MGAT4C: variants seen among roughly 807,000 people sequenced by gnomAD.
MGAT4C encodes MGAT4 family member C.
In MGAT4C, 19 loss-of-function variants were observed where a neutral mutation model predicts 40.1. That is an observed-to-expected ratio of 0.47 (90% CI 0.33 to 0.70). MGAT4C has a LOEUF of 0.70. MGAT4C is among the 30% of genes least tolerant of loss of function. The pLI is 0.02. For missense variants in MGAT4C, 491 were observed against 563.2 expected (o/e 0.87, Z 1.30); for synonymous variants, 181 against 187.1 (o/e 0.97, Z 0.27).
At chr12:86,693,315 G>A (rs924086823) in intron 2 of MGAT4C, among the ~76,000 whole-genome samples, 1 of 152,122 alleles carries the variant, frequency 6.6e-6, no homozygotes, top group Non-Finnish European at 1.5e-5. Context: ...TAACGGCAAG[G>A]AATTCTTCTC....
chr12:86,804,427 AAAAAT>A (rs1952306167), intron 1 of MGAT4C, among the ~76,000 whole-genome samples: 1 of 151,342 alleles, frequency 6.6e-6, no homozygotes, highest in African/African-American at 2.4e-5. Flanking sequence ...AAAAAAATAA[AAAAAT>A]AAAATAAATA....
chr12:85,972,920 T>C lies in MGAT4C; in HGVS notation c.*6369A>G, dbSNP rs979717242. The C allele has an allele frequency of 5.3e-5, 8 of 150,984 alleles. No individual in the cohort carries two copies. The highest frequency in any genetic ancestry group is 8.9e-5 in the Non-Finnish European group (6 of 67,178). The allele number at this position is 150,984 out of a possible 1,614,324, so 9.4% of individuals were successfully genotyped here. Reference sequence around the variant, plus strand: ...GAAAAAATAGGACTATGTCAAATAGTTAAACAAATGTGGGGTATTTTATGG... The same window carrying C: ...GAAAAAATAGGACTATGTCAAATAGCTAAACAAATGTGGGGTATTTTATGG... On this transcript the variant is annotated 3_prime_UTR_variant, in exon 5 of 5. Transcript: ENST00000611864.
intron 2 of MGAT4C, among the ~76,000 whole-genome samples, chr12:85,995,164 T>A (rs1206891706): frequency 6.6e-6 from 1 of 152,080 alleles, no homozygotes; most frequent in East Asian, 1.9e-4. Flanking sequence ...ACCAAATAGG[T>A]AAGCCCTGTG....
At chr12:86,577,863 ATTGT>A (rs959593206) in intron 2 of MGAT4C, among the ~76,000 whole-genome samples, 5 of 151,664 alleles carry the variant, frequency 3.3e-5, no homozygotes, top group African/African-American at 1.2e-4. Context: ...TTTTTTATTC[ATTGT>A]TTAAGTCCAA....
In MGAT4C at chr12:86,202,490, T is replaced by C. The variant is rs1454741112; in HGVS notation, c.-57+53749A>G. Among the ~76,000 whole-genome samples, 4 of 152,078 alleles carry C rather than the reference T, an allele frequency of 2.6e-5. No homozygotes were observed. In the East Asian group the frequency reaches 7.7e-4, roughly 29 times the overall value. On this transcript the variant is annotated intron_variant, in intron 1 of 4. Transcript: ENST00000611864. The stretch of plus-strand genomic sequence containing the variant: ...CTTATTATTGGACGCAATTTGCAAA[T>C]ATTTTCTTTAAAATATTTTTATCTT...
At chr12:86,670,113 T>C (rs1431133141) in intron 2 of MGAT4C, among the ~76,000 whole-genome samples, 2 of 151,668 alleles carry the variant, frequency 1.3e-5, no homozygotes, top group East Asian at 1.9e-4. Context: ...TGTTTCCAAA[T>C]GAGAATGAAC....
chr12:86,225,042 G>T (rs1951023714), intron 1 of MGAT4C, among the ~76,000 whole-genome samples: 1 of 151,726 alleles, frequency 6.6e-6, no homozygotes, highest in Non-Finnish European at 1.5e-5. Context: ...TTACTAGCTA[G>T]ACTAACCAAG....
chr12:86,814,313 C>G (rs376194467), intron 1 of MGAT4C, among the ~76,000 whole-genome samples: 3 of 1,540 alleles, frequency 1.9e-3, no homozygotes, highest in African/African-American at 0.011. Flanking sequence ...TATATATATA[C>G]GTATATATAC....
intron 2 of MGAT4C, among the ~76,000 whole-genome samples, chr12:86,539,521 T>C (rs1959136181): frequency 6.6e-6 from 1 of 152,232 alleles, no homozygotes; most frequent in South Asian, 2.1e-4. Context: ...TGATTTATAA[T>C]CCTTTGGGTA....
intron 2 of MGAT4C, among the ~76,000 whole-genome samples, chr12:86,452,402 G>A (rs925517841): frequency 6.8e-6 from 1 of 147,916 alleles, no homozygotes; most frequent in African/African-American, 2.5e-5. Flanking sequence ...CCTTTAACTA[G>A]GGCCATTCTT....
intron 2 of MGAT4C, among the ~76,000 whole-genome samples, chr12:86,038,290 G>A (rs563044227): frequency 1.7e-4 from 25 of 149,600 alleles, no homozygotes; most frequent in African/African-American, 4.8e-4. Context: ...TGCCACGAGC[G>A]GTTTATGCCC....
chr12:86,757,926 A>G (rs1951334289), intron 1 of MGAT4C, among the ~76,000 whole-genome samples: 1 of 151,914 alleles, frequency 6.6e-6, no homozygotes, highest in Admixed American at 6.6e-5. Flanking sequence ...CACTTTTAAA[A>G]CCTCTTAAAT....
At chr12:86,527,438 G>A (rs1306390836) in intron 2 of MGAT4C, among the ~76,000 whole-genome samples, 1 of 152,076 alleles carries the variant, frequency 6.6e-6, no homozygotes, top group South Asian at 2.1e-4. Context: ...AATGCCTACA[G>A]CTTTGTTCTT....
chr12:86,733,612 T>C (rs950850556), intron 1 of MGAT4C, among the ~76,000 whole-genome samples: 2 of 152,112 alleles, frequency 1.3e-5, no homozygotes, highest in African/African-American at 2.4e-5. Context: ...TGAGACATGA[T>C]TGTACATCAC....
intron 1 of MGAT4C, among the ~76,000 whole-genome samples, chr12:86,832,234 T>C (rs751283298): frequency 1.3e-5 from 2 of 151,794 alleles, no homozygotes; most frequent in Non-Finnish European, 2.9e-5. Flanking sequence ...ACCATTCAAG[T>C]CTACTCCCTG....
chr12:86,642,131 A>G (rs1963409193), intron 2 of MGAT4C, among the ~76,000 whole-genome samples: 1 of 151,862 alleles, frequency 6.6e-6, no homozygotes, highest in Non-Finnish European at 1.5e-5. Context: ...AGTAATTGAT[A>G]TGGAGATAAG....
At chr12:86,331,814 A>T (rs1954675631) in intron 4 of MGAT4C, among the ~76,000 whole-genome samples, 1 of 152,202 alleles carries the variant, frequency 6.6e-6, no homozygotes, top group Admixed American at 6.5e-5. Context: ...TCTGAGCAGC[A>T]AATGTTTGTG....
intron 2 of MGAT4C, among the ~76,000 whole-genome samples, chr12:86,471,520 C>A (rs1196731317): frequency 6.6e-6 from 1 of 151,878 alleles, no homozygotes. Flanking sequence ...AAACAGTATA[C>A]TAAATACTTA....
intron 1 of MGAT4C, among the ~76,000 whole-genome samples, chr12:86,201,762 C>T (rs1182330414): frequency 5.3e-5 from 8 of 151,782 alleles, no homozygotes; most frequent in Non-Finnish European, 1.0e-4. Flanking sequence ...AACATTCTAA[C>T]AATATATAAT....
Sources: allele counts gnomAD v4.1 joint callset (sites outside exome capture counted in the v4.1 genomes callset), GRCh38; gene constraint gnomAD v4.1.1; transcripts MANE v1.5; gene names NCBI Gene and HGNC (gene_info 2026-07-23, HGNC 2026-07-21).